The following SMTN variants were observed in gnomAD, a reference collection of about 807,000 sequenced individuals.
SMTN encodes smoothelin.
A neutral mutation model predicts 102.0 loss-of-function variants in SMTN; 58 were observed. The observed-to-expected ratio is 0.57, with a 90% CI of 0.46 to 0.71. The LOEUF (loss-of-function observed/expected upper bound fraction) is 0.71. Among genes scored for constraint, SMTN ranks in the 30% least tolerant of loss-of-function variants. SMTN has a pLI of 0.00. For synonymous variants in SMTN, 478 were observed against 497.9 expected (o/e 0.96, Z 0.53); for missense variants, 1,185 against 1,241.7 (o/e 0.95, Z 0.69).
chr22:31,082,327 G>C (rs1056940394), intron 1 of SMTN: 7 of 326,030 alleles, frequency 2.1e-5, no homozygotes, highest in African/African-American at 4.3e-5. Context: ...CATTTTGATG[G>C]GCAGCACTGG....
At chr22:31,085,300 G>C in intron 2 of SMTN, 1 of 1,487,946 alleles carries the variant, frequency 6.7e-7, no homozygotes, top group South Asian at 1.3e-5. Context: ...GGGTGGGCGA[G>C]GCGAGGGCGG....
At chr22:31,082,934 C>T (rs1458912738) in intron 1 of SMTN, 1 of 1,525,206 alleles carries the variant, frequency 6.6e-7, no homozygotes, top group South Asian at 1.2e-5. Flanking sequence ...AGAGTCCATC[C>T]CAGGCCACAC....
intron 16 of SMTN, 120 bp from the exon 17 acceptor site, chr22:31,098,547 C>T (rs2043786214): frequency 2.2e-6 from 2 of 911,308 alleles, no homozygotes; most frequent in African/African-American, 1.7e-5. Flanking sequence ...CCCTGGCAGG[C>T]GTTTGTGGCA....
chr22:31,087,195 GAGA>G (rs977604707), intron 2 of SMTN: 1 of 152,256 alleles, frequency 6.6e-6, no homozygotes, highest in African/African-American at 2.4e-5. Context: ...ACTCACTCCA[GAGA>G]AGGTGTTCTT....
At position 31,095,298 on chromosome 22, in the gene SMTN, T is replaced by A. The variant is rs372927190; in HGVS notation, c.1633-5T>A. 3.7e-6 allele frequency: 6 copies of A among 1,613,242 alleles called. No individual in the cohort carries two copies. In the African/African-American group the frequency reaches 6.7e-5, roughly 18 times the overall value. On this transcript the variant is annotated splice_polypyrimidine_tract_variant and splice_region_variant and intron_variant, in intron 11 of 20. Transcript: ENST00000333137. The surrounding 1 kb of genome is among the most constrained non-coding windows in gnomAD (Gnocchi z 4.1). ...TAAAGTCCATGCCCTCTCCCCACCC[T>A]GCAGATGGAAGCAGAGCCAGCAGAG...
intron 1 of SMTN, chr22:31,067,760 A>G (rs1458761022): frequency 6.6e-6 from 1 of 151,644 alleles, no homozygotes; most frequent in Non-Finnish European, 1.5e-5. Flanking sequence ...GGGTTTCACC[A>G]TGTTAGCCGG....
intron 6 of SMTN, 69 bp from the exon 7 acceptor site, chr22:31,089,630 G>T: frequency 6.9e-7 from 1 of 1,448,688 alleles, no homozygotes; most frequent in Non-Finnish European, 9.4e-7. Context: ...TTGCCAGCCT[G>T]GCCCTCAGTG....
intron 11 of SMTN, among the ~76,000 whole-genome samples, chr22:31,094,108 T>C (rs115257554): frequency 0.041 from 6,226 of 152,280 alleles, 154 homozygotes; most frequent in Middle Eastern, 0.088. Flanking sequence ...CCCAGCTCCC[T>C]GCCGCCCTGC....
intron 15 of SMTN, 98 bp from the exon 16 acceptor site, chr22:31,097,168 TCTC>T: frequency 1.3e-6 from 2 of 1,497,956 alleles, no homozygotes; most frequent in Non-Finnish European, 1.9e-6. Context: ...CACTTTCTCT[TCTC>T]TGCCTGCGGC....
Position 31,085,555 on chromosome 22 carries a change from CCT to C in SMTN, c.51+2249_51+2250del, listed in dbSNP as rs552156847. On this transcript the variant is annotated intron_variant, in intron 2 of 20. Coordinates refer to ENST00000333137, the MANE Select transcript of SMTN (RefSeq NM_134269.3). ...CCGGCTCCCCAGGGGGAGGAAGCACCCTCTTTCCTCCCGGGAGAATTTCACTG... is the reference window on the plus strand; with the variant it reads ...CCGGCTCCCCAGGGGGAGGAAGCACCCTTTCCTCCCGGGAGAATTTCACTG... Among the ~76,000 whole-genome samples, 59 of 152,324 alleles carry C rather than the reference CCT, an allele frequency of 3.9e-4. No individual in the cohort carries two copies. In the East Asian group the frequency reaches 0.011, roughly 29 times the overall value.
At chr22:31,069,261 G>A (rs1276349964) in intron 1 of SMTN, among the ~76,000 whole-genome samples, 1 of 152,008 alleles carries the variant, frequency 6.6e-6, no homozygotes, top group East Asian at 1.9e-4. Context: ...ATCCTTATTG[G>A]TCCTTGGTGG....
chr22:31,098,906 G>A (rs1195121656), intron 17 of SMTN, 66 bp downstream of exon 17: 1 of 1,556,016 alleles, frequency 6.4e-7, no homozygotes, highest in African/African-American at 1.4e-5. Context: ...GGCGGGGCTT[G>A]ATAGTTGGCC....
chr22:31,101,094 TG>T, intron 20 of SMTN, 45 bp downstream of exon 20: 1 of 1,541,962 alleles, frequency 6.5e-7, no homozygotes, highest in Non-Finnish European at 8.8e-7. Flanking sequence ...CACCAGAATC[TG>T]CTCAGCAAGG....
rs764742127 is a variant in SMTN, at chr22:31,091,349, CCCGCTGCCCGTGG to C, written c.1330_1342del (p.Leu444SerfsTer10). 1.9e-6 allele frequency: 3 copies of C among 1,606,578 alleles called. No individual in the cohort carries two copies. Among genetic ancestry groups the C allele is most frequent in the Non-Finnish European group, 2.5e-6 (3 of 1,178,534 alleles). On this transcript the variant is annotated frameshift_variant, in exon 10 of 21. Transcript: ENST00000333137. LOFTEE classifies it high-confidence loss of function. ...TGGCACGTTCAGAGGAGCCTGGTGCCCCGCTGCCCGTGGCCGTCGGCACTGCCGAGCCAGGGGG... is the reference window on the plus strand; with the variant it reads ...TGGCACGTTCAGAGGAGCCTGGTGCCCCGTCGGCACTGCCGAGCCAGGGGG...
In SMTN at chr22:31,076,093, G is replaced by A. The variant is rs2042121616; in HGVS notation, c.-385-4357G>A. Among the ~76,000 whole-genome samples, 4 of 152,338 alleles carry A rather than the reference G, an allele frequency of 2.6e-5. No homozygotes were observed. In the South Asian group the frequency reaches 8.3e-4, roughly 32 times the overall value. On this transcript the variant is annotated intron_variant, in intron 1 of 3. Transcript: ENST00000422839. ...GGCGGAAGGCTGGGAACACGGCTTG[G>A]AGGCTGGGTTTGGGTTTGGGCCCCA... is the stretch of plus-strand genomic sequence containing the variant.
At position 31,091,342 on chromosome 22, in the gene SMTN, C is replaced by T. The variant is rs201027368; in HGVS notation, c.1319C>T (p.Pro440Leu). The change falls in exon 10 of 21, where the codon CCT becomes CTT. Residue 440 changes from proline (P) to leucine (L), a missense_variant. Pro to Leu is a moderately conservative substitution (Grantham distance 98). Around this residue, in one of 2 missense-constraint regions of SMTN, gnomAD observed 1,096 missense variants for 1,112.7 expected, o/e 0.98. Coordinates refer to ENST00000333137, the MANE Select transcript of SMTN (RefSeq NM_134269.3). ...GGGCCTGTGGCACGTTCAGAGGAGCCTGGTGCCCCGCTGCCCGTGGCCGTC... is the reference window on the plus strand; with the variant it reads ...GGGCCTGTGGCACGTTCAGAGGAGCTTGGTGCCCCGCTGCCCGTGGCCGTC... The part of the protein sequence containing the change: ...AGGPVARSEE[P>L]GAPLPVAVGT... 2.7e-5 allele frequency: 44 copies of T among 1,606,772 alleles called. No individual in the cohort carries two copies. Among genetic ancestry groups the T allele is most frequent in the Middle Eastern group, 3.3e-4 (2 of 6,066 alleles).
intron 16 of SMTN, 91 bp downstream of exon 16, chr22:31,097,429 C>A: frequency 8.5e-7 from 1 of 1,178,934 alleles, no homozygotes; most frequent in Non-Finnish European, 1.3e-6. Flanking sequence ...GTGGGCTGGG[C>A]ACAGTGGCTC....
intron 1 of SMTN, chr22:31,066,317 T>C (rs1382908982): frequency 1.4e-5 from 2 of 145,276 alleles, no homozygotes; most frequent in Non-Finnish European, 3.0e-5. Flanking sequence ...TTTTATTTTA[T>C]TTTATTTTTG....
At position 31,096,882 on chromosome 22, in the gene SMTN, C is replaced by G; in HGVS notation, c.2011C>G (p.Arg671Gly). ...TGTCAGCACTGTTACCAAGACTGAG[C>G]GGCTCGTCCACTCCAGTAAGGGGCC... ...SAVSTVTKTE[R>G]LVHSNDGTRT... The change falls in exon 14 of 21, where the codon CGG (arginine) becomes GGG (glycine). Residue 671 changes from arginine to glycine, a missense_variant. Arg to Gly is a moderately radical substitution (Grantham distance 125, BLOSUM62 -2). Around this residue, in one of 2 missense-constraint regions of SMTN, gnomAD observed 1,096 missense variants for 1,112.7 expected, o/e 0.98. Coordinates refer to ENST00000333137, the MANE Select transcript of SMTN (RefSeq NM_134269.3). 1 of 1,585,830 alleles carries G rather than the reference C, an allele frequency of 6.3e-7. No individual in the cohort carries two copies. Among genetic ancestry groups the G allele is most frequent in the Non-Finnish European group, 8.6e-7 (1 of 1,164,050 alleles).
Sources: gnomAD v4.1 joint callset for allele counts (sites outside exome capture counted in the v4.1 genomes callset) on GRCh38, gnomAD v4.1.1 for gene constraint, gnomAD v4.1.1 regional missense constraint, Gnocchi (gnomAD v3.1) non-coding constraint, MANE v1.5 for transcripts, NCBI Gene and HGNC (gene_info 2026-07-23, HGNC 2026-07-21) for gene names.